The following MAGED2 variants were observed in gnomAD, a reference collection of about 807,000 sequenced individuals.
The protein encoded by MAGED2 is melanoma-associated antigen D2.
MAGED2 carries 6 observed loss-of-function variants against 41.7 expected under a neutral mutation model. That is an observed-to-expected ratio of 0.14 (90% CI 0.08 to 0.28). The LOEUF is 0.28. Ranked by LOEUF, MAGED2 falls within the 10% of genes least tolerant of loss-of-function variation. The pLI is 1.00. For synonymous variants in MAGED2, 146 were observed against 178.2 expected (o/e 0.82, Z 1.44); for missense variants, 343 against 486.4 (o/e 0.71, Z 2.77).
At chrX:54,809,115 G>A in intron 1 of MAGED2, 188 bp from the exon 2 acceptor site, 1 of 425,886 alleles carries the variant, frequency 2.3e-6, no homozygotes, top group Admixed American at 3.8e-5. Flanking sequence ...CCTGGAGAAG[G>A]GGAGGGTGCG....
Position 54,809,793 on chromosome X carries a change from C to G in MAGED2, c.117C>G (p.Val39=), listed in dbSNP as rs762323814. 1 of 1,204,987 alleles carries G rather than the reference C, an allele frequency of 8.3e-7. No individual in the cohort carries two copies. Among genetic ancestry groups the G allele is most frequent in the East Asian group, 3.0e-5 (1 of 33,636 alleles). The change falls in exon 3 of 13, where the codon GTC becomes GTG. Residue 39 remains valine (V), a synonymous_variant. Transcript: ENST00000375068. The part of the protein sequence containing the change: ...TLLTVTQNVE[V]PETPKASKAL... Reference sequence around the variant, plus strand: ...TGACAGTGACCCAGAATGTGGAGGTCCCAGAGACACCGAAGGCCTCAAAGG... The same window carrying G: ...TGACAGTGACCCAGAATGTGGAGGTGCCAGAGACACCGAAGGCCTCAAAGG...
chrX:54,810,693 C>T, intron 3 of MAGED2, 128 bp from the exon 4 acceptor site: 1 of 540,123 alleles, frequency 1.9e-6, no homozygotes, highest in Non-Finnish European at 2.9e-6. Context: ...TTCAGCATGG[C>T]CAACATCTAT....
At chrX:54,814,339 T>A (rs1308168336) in intron 10 of MAGED2, 1 of 429,879 alleles carries the variant, frequency 2.3e-6, no homozygotes, top group Non-Finnish European at 4.4e-6. Context: ...CTTTCTGGGC[T>A]TGGCCAGGCT....
intron 1 of MAGED2, chrX:54,809,054 T>G (rs759697036): frequency 5.4e-6 from 2 of 372,179 alleles, no homozygotes; most frequent in Non-Finnish European, 4.7e-6. Context: ...GGGTGGGGGG[T>G]GCACTGGGAA....
Position 54,811,107 on chromosome X carries a change from A to G in MAGED2, c.824A>G (p.Asp275Gly). Residue 275 changes from aspartate to glycine, a missense_variant, in exon 4 of 13, where the codon GAT becomes GGT. By Grantham distance (94) the Asp-to-Gly change is moderately conservative. Coordinates refer to ENST00000375068, the MANE Select transcript of MAGED2 (RefSeq NM_177433.3). ...SQEPEAPPPR[D>G]VALLQGRAND... is the part of the protein sequence containing the mutation. ...GAGCCTGAAGCACCACCACCTCGGGATGTGGCCCTTTTGCAAGGGAGGGTA... is the reference window on the plus strand; with the variant it reads ...GAGCCTGAAGCACCACCACCTCGGGGTGTGGCCCTTTTGCAAGGGAGGGTA... 8.4e-7 allele frequency: 1 copy of G among 1,195,971 alleles called. No individual in the cohort carries two copies. Among genetic ancestry groups the G allele is most frequent in the Non-Finnish European group, 1.1e-6 (1 of 886,675 alleles).
At chrX:54,809,681 G>T in intron 2 of MAGED2, 41 bp from the exon 3 acceptor site, 2 of 1,174,743 alleles carry the variant, frequency 1.7e-6, no homozygotes, top group Non-Finnish European at 2.3e-6. Context: ...TTAGTTGGGG[G>T]TGAGGAGAAG....
At chrX:54,808,497 C>T (rs1001344689) in intron 1 of MAGED2, 2 of 113,126 alleles carry the variant, frequency 1.8e-5, no homozygotes, top group African/African-American at 6.5e-5. Flanking sequence ...CCTCTGGGAT[C>T]TGGAGAAAAC....
chrX:54,812,081 C>G, intron 6 of MAGED2, 76 bp from the exon 7 acceptor site: 1 of 593,337 alleles, frequency 1.7e-6, no homozygotes, highest in Non-Finnish European at 2.9e-6. Context: ...TGCGAAACTC[C>G]TAGGTACATA....
intron 7 of MAGED2, 49 bp from the exon 8 acceptor site, chrX:54,812,896 T>C: frequency 1.0e-6 from 1 of 989,594 alleles, no homozygotes; most frequent in Non-Finnish European, 1.4e-6. Flanking sequence ...GGTGTGTCTG[T>C]TGCAGATGGC....
At chrX:54,807,934 G>A (rs1929665978) in intron 1 of MAGED2, 132 bp downstream of exon 1, 1 of 112,316 alleles carries the variant, frequency 8.9e-6, no homozygotes, top group African/African-American at 3.3e-5. Flanking sequence ...GGAGTGGGGT[G>A]TAGGCAATGA....
chrX:54,814,451 G>T (rs754916914), intron 10 of MAGED2: 10 of 533,553 alleles, frequency 1.9e-5, no homozygotes, highest in Non-Finnish European at 3.1e-5. Context: ...TCATTGTGAT[G>T]AGGGCGTCAA....
intron 11 of MAGED2, 131 bp from the exon 12 acceptor site, chrX:54,815,117 C>T: frequency 1.3e-6 from 1 of 774,368 alleles, no homozygotes; most frequent in Non-Finnish European, 1.8e-6. Context: ...AAGCATGTAG[C>T]ATAGTGCCTA....
chrX:54,811,721 C>T (rs1187035273), intron 6 of MAGED2, 68 bp downstream of exon 6: 3 of 823,454 alleles, frequency 3.6e-6, no homozygotes, highest in Non-Finnish European at 5.4e-6. Context: ...TGTACAAGTC[C>T]CTTCTCGGGA....
rs1259601784 is a variant in MAGED2 at position 54,813,481 on chromosome X, C to T, written c.1209-7C>T. On this transcript the variant is annotated splice_region_variant and splice_polypyrimidine_tract_variant and intron_variant, in intron 9 of 12. Coordinates refer to ENST00000375068, the MANE Select transcript of MAGED2 (RefSeq NM_177433.3). ...TTGTTTATTTATTTTTCTTTTTCTT[C>T]TCTCAGGATACATCATTCACTCTTT... 2 of 1,195,920 alleles carry T rather than the reference C, an allele frequency of 1.7e-6. No homozygotes were observed. The highest frequency in any genetic ancestry group is 1.8e-5 in the African/African-American group (1 of 56,912).
At position 54,815,178 on chromosome X, in the gene MAGED2, C is replaced by T; in HGVS notation, c.1387-70C>T. The T allele has an allele frequency of 4.5e-6, 5 of 1,108,821 alleles. No homozygotes were observed. In the South Asian group the frequency reaches 1.2e-4, roughly 26 times the overall value. 91.4% of individuals were successfully genotyped at this position (1,108,821 alleles called of 1,213,427 possible). ...TTATGCTCCTTCTGATGGTTATTTA[C>T]ATAGTAATACTGTATTATTACTATG... On this transcript the variant is annotated intron_variant, in intron 11 of 12. Transcript: ENST00000375068.
In MAGED2 at chrX:54,809,778, C is replaced by T. The variant is rs1294443752; in HGVS notation, c.102C>T (p.Thr34=). Residue 34 remains threonine (T), a synonymous_variant, in exon 3 of 13, where the codon ACC becomes ACT. Coordinates refer to ENST00000375068, the MANE Select transcript of MAGED2 (RefSeq NM_177433.3). ...SSMMQTLLTV[T]QNVEVPETPK... is the part of the protein sequence containing the mutation. The stretch of plus-strand genomic sequence containing the variant: ...TGATGCAGACTCTGTTGACAGTGAC[C>T]CAGAATGTGGAGGTCCCAGAGACAC... 9.9e-6 allele frequency: 12 copies of T among 1,207,370 alleles called. No homozygotes were observed. The highest frequency in any genetic ancestry group is 1.3e-5 in the Non-Finnish European group (12 of 893,384).
Position 54,810,015 on chromosome X carries a change from G to A in MAGED2, c.339G>A (p.Pro113=), listed in dbSNP as rs766654234. The change falls in exon 3 of 13, where the codon CCG becomes CCA. Residue 113 remains proline, a synonymous_variant. Coordinates refer to ENST00000375068, the MANE Select transcript of MAGED2 (RefSeq NM_177433.3). ...AADTKKQNAD[P]QAVTMPATET... ...ACACCAAGAAACAGAATGCTGACCCGCAGGCTGTGACAATGCCTGCCACTG... is the reference window on the plus strand; with the variant it reads ...ACACCAAGAAACAGAATGCTGACCCACAGGCTGTGACAATGCCTGCCACTG... 1.8e-5 allele frequency: 22 copies of A among 1,204,027 alleles called. No individual in the cohort carries two copies. The highest frequency in any genetic ancestry group is 3.5e-5 in the African/African-American group (2 of 56,659).
At chrX:54,808,492 G>A (rs1929685376) in intron 1 of MAGED2, 1 of 113,319 alleles carries the variant, frequency 8.8e-6, no homozygotes, top group East Asian at 2.8e-4. Flanking sequence ...CCCACCCTCT[G>A]GGATCTGGAG....
chrX:54,808,403 T>C (rs1929680933), intron 1 of MAGED2: 1 of 109,649 alleles, frequency 9.1e-6, no homozygotes, highest in African/African-American at 3.3e-5. Context: ...TTGGAGTGAG[T>C]GGACGCACTC....
Sources: gnomAD v4.1 joint callset for allele counts on GRCh38, gnomAD v4.1.1 for gene constraint, MANE v1.5 for transcripts, NCBI Gene and HGNC (gene_info 2026-07-23, HGNC 2026-07-21) for gene names.